The following CBFA2T3 variants were observed in gnomAD, a reference collection of about 807,000 sequenced individuals.
The protein encoded by CBFA2T3 is CBFA2/RUNX1 partner transcriptional co-repressor 3.
A neutral mutation model predicts 58.6 loss-of-function variants in CBFA2T3; 31 were observed. The ratio of observed to expected loss-of-function variants is 0.53; its 90% CI spans 0.40 to 0.71. The LOEUF is 0.71. CBFA2T3 is among the 30% of genes least tolerant of loss of function. CBFA2T3 has a pLI of 0.00. For synonymous variants in CBFA2T3, 531 were observed against 421.9 expected, an observed-to-expected ratio of 1.26 and a Z score of -3.17; for missense variants, 1,076 against 963.1, an observed-to-expected ratio of 1.12 and a Z score of -1.55.
At chr16:88,888,709 A>G (rs1463059283) in intron 5 of CBFA2T3, among the ~76,000 whole-genome samples, 5 of 149,878 alleles carry the variant, frequency 3.3e-5, no homozygotes, top group African/African-American at 9.8e-5. Context: ...TGGCCGCAAG[A>G]TCTTTATTTT....
rs145368460 is a variant in CBFA2T3 at position 88,962,543 on chromosome 16, G to A, written c.151+14114C>T. 2.0e-3 allele frequency among the ~76,000 whole-genome samples: 298 copies of A among 152,310 alleles called. 2 individuals carry two copies. The highest frequency in any genetic ancestry group is 6.7e-3 in the African/African-American group (280 of 41,562). On this transcript the variant is annotated intron_variant, in intron 1 of 11. Transcript: ENST00000268679. ...CGTGAGTCCCGAAGGAGAGGCCCAG[G>A]GCCCAGGCCACTCTGCACCCTGAGG...
chr16:88,876,988 G>T lies in CBFA2T3; in HGVS notation c.1950C>A (p.Thr650=). The T allele has an allele frequency of 6.9e-7, 1 of 1,451,528 alleles. No homozygotes were observed. The highest frequency in any genetic ancestry group is 9.0e-7 in the Non-Finnish European group (1 of 1,107,824). 89.9% of individuals were successfully genotyped at this position (1,451,528 alleles called of 1,614,324 possible). A position where few individuals can be genotyped will look rare whatever the true frequency, so the allele number is the denominator to read the frequency against. Reference sequence around the variant, plus strand: ...GGGGCCAGTGGGGTCAGCGGGGCACGGTGTCCAGTGGGCCAGGTGGGCTGG... The same window carrying T: ...GGGGCCAGTGGGGTCAGCGGGGCACTGTGTCCAGTGGGCCAGGTGGGCTGG... ...GSPSPPGPLD[T]VPR is the part of the protein sequence containing the mutation. The change falls in exon 12 of 12, where the codon ACC becomes ACA. Residue 650 remains threonine (T), a synonymous_variant. Coordinates refer to ENST00000268679, the MANE Select transcript of CBFA2T3 (RefSeq NM_005187.6).
At position 88,892,075 on chromosome 16, in the gene CBFA2T3, G is replaced by T; in HGVS notation, c.622-104C>A. The T allele has an allele frequency of 2.9e-6, 4 of 1,358,758 alleles. No individual in the cohort carries two copies. In the South Asian group the frequency reaches 5.0e-5, roughly 17 times the overall value. 84.2% of individuals were successfully genotyped at this position (1,358,758 alleles called of 1,614,324 possible). ...AGGCTTCCGTGTTGGAGGCAGGCAG[G>T]CAGCCCAGGAGCTGGGCACGGCCTG... On this transcript the variant is annotated intron_variant, in intron 4 of 11. Coordinates refer to ENST00000268679, the MANE Select transcript of CBFA2T3 (RefSeq NM_005187.6).
chr16:88,897,017 T>C (rs56920499), intron 3 of CBFA2T3, among the ~76,000 whole-genome samples: 2,012 of 152,298 alleles, frequency 0.013, 44 homozygotes, highest in African/African-American at 0.046. Flanking sequence ...CAGCTGAGGA[T>C]TGGGGGCACA....
At chr16:88,925,893 C>T (rs1322305696) in intron 1 of CBFA2T3, among the ~76,000 whole-genome samples, 1 of 152,234 alleles carries the variant, frequency 6.6e-6, no homozygotes, top group African/African-American at 2.4e-5. Flanking sequence ...ACGCCAGACG[C>T]CATGTGAACG....
intron 1 of CBFA2T3, 143 bp from the exon 2 acceptor site, chr16:88,901,799 G>A (rs1970109697): frequency 1.5e-6 from 1 of 670,600 alleles, no homozygotes; most frequent in African/African-American, 1.9e-5. Flanking sequence ...CTGACAGGTG[G>A]CTGACGTCCC....
intron 1 of CBFA2T3, among the ~76,000 whole-genome samples, chr16:88,904,958 C>T (rs1050895442): frequency 2.6e-5 from 4 of 152,140 alleles, no homozygotes; most frequent in African/African-American, 4.8e-5. Flanking sequence ...AACGTGTGGC[C>T]GGGACCTGCT....
intron 1 of CBFA2T3, among the ~76,000 whole-genome samples, chr16:88,949,835 AC>A (rs1972004046): frequency 6.6e-6 from 1 of 151,458 alleles, no homozygotes; most frequent in Non-Finnish European, 1.5e-5. Context: ...ACATGGCGAA[AC>A]CCCGTCTCTA....
intron 1 of CBFA2T3, among the ~76,000 whole-genome samples, chr16:88,962,425 A>G (rs1373254765): frequency 6.6e-6 from 1 of 152,258 alleles, no homozygotes; most frequent in Admixed American, 6.5e-5. Flanking sequence ...TGCTGTGTCC[A>G]CTGTGTCTGC....
chr16:88,883,411 C>T (rs1332304546), intron 7 of CBFA2T3: 1 of 155,684 alleles, frequency 6.4e-6, no homozygotes, highest in Non-Finnish European at 1.4e-5. Context: ...GAGGCCAGGG[C>T]TCTCGGAACA....
chr16:88,916,051 G>T (rs1351284452), intron 1 of CBFA2T3, among the ~76,000 whole-genome samples: 1 of 150,838 alleles, frequency 6.6e-6, no homozygotes, highest in African/African-American at 2.4e-5. Flanking sequence ...TGTACACATG[G>T]GTGTATGTGT....
chr16:88,885,209 T>C lies in CBFA2T3; in HGVS notation c.954A>G (p.Pro318=). 1.3e-6 allele frequency: 2 copies of C among 1,598,066 alleles called. No individual in the cohort carries two copies. The highest frequency in any genetic ancestry group is 2.3e-5 in the East Asian group (1 of 44,344). Residue 318 remains proline (P), a synonymous_variant, in exon 7 of 12, where the codon CCA becomes CCG. Transcript: ENST00000268679. The surrounding 1 kb of genome is among the most constrained non-coding windows in gnomAD (Gnocchi z 5.3). The part of the protein sequence containing the change: ...PLHPEHLSKR[P]CTLNPAQRYS... ...AGCGCTGGGCAGGGTTCAGGGTGCA[T>C]GGCCGTTTGCTGAGGTGCTCGGGGT...
chr16:88,898,211 C>T (rs1969961759), intron 2 of CBFA2T3, 59 bp from the exon 3 acceptor site: 3 of 1,338,510 alleles, frequency 2.2e-6, no homozygotes, highest in Non-Finnish European at 3.2e-6. Context: ...AGACTCTGCC[C>T]TCAGGGGCGC....
intron 2 of CBFA2T3, 79 bp downstream of exon 2, chr16:88,901,425 A>T: frequency 1.4e-6 from 1 of 700,318 alleles, no homozygotes; most frequent in Non-Finnish European, 2.3e-6. Context: ...GGCTCCGGGC[A>T]GGAAGCTCAG....
At chr16:88,895,285 G>A (rs13334612) in intron 3 of CBFA2T3, among the ~76,000 whole-genome samples, 34,471 of 152,102 alleles carry the variant, frequency 0.23, 4,250 homozygotes, top group East Asian at 0.45. Context: ...TTAGGTGGCC[G>A]CCATCAGCTT....
At chr16:88,923,629 G>T (rs1310599089) in intron 1 of CBFA2T3, among the ~76,000 whole-genome samples, 2 of 152,386 alleles carry the variant, frequency 1.3e-5, no homozygotes, top group African/African-American at 4.8e-5. Flanking sequence ...GCACAGCCCA[G>T]TCCTGGCGCG....
At chr16:88,877,642 G>A (rs897727052) in intron 11 of CBFA2T3, among the ~76,000 whole-genome samples, 2 of 152,084 alleles carry the variant, frequency 1.3e-5, no homozygotes, top group Non-Finnish European at 2.9e-5. Flanking sequence ...ATCCGCCTCT[G>A]CTGCATCCAC....
intron 1 of CBFA2T3, among the ~76,000 whole-genome samples, chr16:88,948,918 CG>C (rs1194051747): frequency 4.6e-5 from 7 of 152,096 alleles, no homozygotes; most frequent in African/African-American, 1.7e-4. Flanking sequence ...AGCCGGTGCT[CG>C]TGTGTAAAAG....
intron 5 of CBFA2T3, 47 bp from the exon 6 acceptor site, chr16:88,886,189 G>T (rs747499966): frequency 7.2e-7 from 1 of 1,386,126 alleles, no homozygotes; most frequent in South Asian, 1.5e-5. Flanking sequence ...GGGGTGCACA[G>T]CCCTGCTCAG....
Sources: gnomAD v4.1 joint callset for allele counts (sites outside exome capture counted in the v4.1 genomes callset) on GRCh38, gnomAD v4.1.1 for gene constraint, Gnocchi (gnomAD v3.1) non-coding constraint, MANE v1.5 for transcripts, NCBI Gene and HGNC (gene_info 2026-07-23, HGNC 2026-07-21) for gene names.